Variants in EXT1 observed in about 807,000 individuals in gnomAD.
EXT1 encodes exostosin glycosyltransferase 1.
In EXT1, 20 loss-of-function variants were observed where a neutral mutation model predicts 82.5. That is an observed-to-expected ratio of 0.24 (90% CI 0.17 to 0.35). The LOEUF (loss-of-function observed/expected upper bound fraction) is 0.35. Among genes scored for constraint, EXT1 ranks in the 10% least tolerant of loss-of-function variants. The pLI, the probability that EXT1 is intolerant of heterozygous loss-of-function variation, is 1.00. For missense variants in EXT1, 757 were observed against 936.5 expected (o/e 0.81, Z 2.50); for synonymous variants, 348 against 350.8 (o/e 0.99, Z 0.09).
At chr8:118,004,735 AC>A (rs1227254055) in intron 1 of EXT1, among the ~76,000 whole-genome samples, 1 of 152,126 alleles carries the variant, frequency 6.6e-6, no homozygotes, top group African/African-American at 2.4e-5. Flanking sequence ...CAAGCCAGTC[AC>A]CCCATGCCTG....
chr8:117,855,587 C>T (rs1387124336), intron 1 of EXT1, among the ~76,000 whole-genome samples: 1 of 152,132 alleles, frequency 6.6e-6, no homozygotes, highest in Admixed American at 6.5e-5. Context: ...CCCTGAGACA[C>T]AAAAATATTG....
chr8:117,799,794 G>A lies in EXT1; in HGVS notation c.2159C>T (p.Ser720Phe). Residue 720 changes from serine (S) to phenylalanine (F), a missense_variant, in exon 11 of 11, where the codon TCT becomes TTT. Around this residue, in one of 4 missense-constraint regions of EXT1, gnomAD observed 128 missense variants for 223.2 expected, o/e 0.57. Transcript: ENST00000378204. The stretch of plus-strand genomic sequence containing the variant: ...GAGGACGGGGTCGAGCCTCATCTGA[G>A]AGTGGATCAGCGGCATGTAGCCAAA... ...SWFGYMPLIH[S>F]QMRLDPVLFK... The A allele has an allele frequency of 1.2e-6, 2 of 1,614,206 alleles. No homozygotes were observed. The highest frequency in any genetic ancestry group is 1.7e-6 in the Non-Finnish European group (2 of 1,180,044).
At chr8:117,982,035 C>T (rs1388911229) in intron 1 of EXT1, among the ~76,000 whole-genome samples, 1 of 152,172 alleles carries the variant, frequency 6.6e-6, no homozygotes, top group Non-Finnish European at 1.5e-5. Context: ...TTTTCTATTG[C>T]TGCTGTAATA....
chr8:117,867,978 A>G (rs950231700), intron 1 of EXT1, among the ~76,000 whole-genome samples: 4 of 152,222 alleles, frequency 2.6e-5, no homozygotes, highest in Non-Finnish European at 5.9e-5. Context: ...TAATGCCATA[A>G]GCACTTTTAA....
chr8:118,069,325 T>C (rs781612295), intron 1 of EXT1, among the ~76,000 whole-genome samples: 1 of 152,224 alleles, frequency 6.6e-6, no homozygotes, highest in Non-Finnish European at 1.5e-5. Context: ...GGTCTCACTC[T>C]AGCAGTGTGA....
chr8:118,046,103 CT>C (rs112355911), intron 1 of EXT1, among the ~76,000 whole-genome samples: 1,885 of 143,582 alleles, frequency 0.013, 32 homozygotes, highest in African/African-American at 0.041. Flanking sequence ...GCCTAGATGT[CT>C]TTTTTTTTTT....
intron 1 of EXT1, among the ~76,000 whole-genome samples, chr8:117,935,693 G>A (rs1814146059): frequency 6.6e-6 from 1 of 151,870 alleles, no homozygotes; most frequent in Admixed American, 6.6e-5. Flanking sequence ...TAATCTTGTG[G>A]CATCCAAACT....
chr8:118,073,542 G>C (rs1797839733), intron 1 of EXT1, among the ~76,000 whole-genome samples: 1 of 152,108 alleles, frequency 6.6e-6, no homozygotes, highest in African/African-American at 2.4e-5. Context: ...AACTGCCTGA[G>C]CCTGGGACGC....
At chr8:118,069,231 C>T (rs183005141) in intron 1 of EXT1, among the ~76,000 whole-genome samples, 458 of 152,320 alleles carry the variant, frequency 3.0e-3, no homozygotes, top group Non-Finnish European at 5.7e-3. Flanking sequence ...CAGAGGTTAA[C>T]TTCCCATGTG....
chr8:117,937,750 G>A (rs1044775519), intron 1 of EXT1, among the ~76,000 whole-genome samples: 1 of 152,258 alleles, frequency 6.6e-6, no homozygotes, highest in African/African-American at 2.4e-5. Flanking sequence ...ATGCCAGAGA[G>A]AGAGCACTGG....
intron 1 of EXT1, among the ~76,000 whole-genome samples, chr8:117,986,194 T>TCTTTTC (rs1554591461): frequency 4.1e-5 from 6 of 147,744 alleles, no homozygotes; most frequent in Middle Eastern, 3.5e-3. Flanking sequence ...TTTCTTTTTT[T>TCTTTTC]TTTTTTTTTT....
At chr8:117,906,278 G>T (rs181938439) in intron 1 of EXT1, among the ~76,000 whole-genome samples, 11 of 152,246 alleles carry the variant, frequency 7.2e-5, no homozygotes, top group African/African-American at 2.6e-4. Flanking sequence ...ACACAAGTTC[G>T]GAACCCATCT....
chr8:117,829,694 C>A (rs1407343181), intron 4 of EXT1, among the ~76,000 whole-genome samples: 1 of 151,148 alleles, frequency 6.6e-6, no homozygotes, highest in Non-Finnish European at 1.5e-5. Context: ...CTGCCTCAGC[C>A]TCCCGAGTAG....
At chr8:117,815,653 C>T (rs938860865) in intron 7 of EXT1, among the ~76,000 whole-genome samples, 2 of 152,148 alleles carry the variant, frequency 1.3e-5, no homozygotes, top group African/African-American at 4.8e-5. Flanking sequence ...ACATGTTGGC[C>T]AGGTACAGTG....
Position 118,110,853 on chromosome 8 carries a change from A to C in EXT1, c.194T>G (p.Phe65Cys). Residue 65 changes from phenylalanine to cysteine, a missense_variant, in exon 1 of 11, where the codon TTC becomes TGC. Physicochemically the swap from Phe to Cys is radical, Grantham distance 205 (BLOSUM62 -2). Around this residue, in one of 4 missense-constraint regions of EXT1, gnomAD observed 175 missense variants for 159.0 expected, o/e 1.10. Transcript: ENST00000378204. ...WPRFPDALRP[F>C]VPWDQLENED... ...GTTTTCCAATTGATCCCAAGGAACG[A>C]AGGGGCGCAGAGCGTCCGGGAAGCG... 1 of 1,612,948 alleles carries C rather than the reference A, an allele frequency of 6.2e-7. No homozygotes were observed. The highest frequency in any genetic ancestry group is 1.1e-5 in the South Asian group (1 of 91,066).
intron 1 of EXT1, among the ~76,000 whole-genome samples, chr8:118,045,418 C>G (rs1816606555): frequency 6.6e-6 from 1 of 152,102 alleles, no homozygotes. Context: ...TGGTGTGAGC[C>G]TTTCTTCATT....
chr8:117,973,282 A>C (rs552750664), intron 1 of EXT1, among the ~76,000 whole-genome samples: 1 of 152,182 alleles, frequency 6.6e-6, no homozygotes, highest in East Asian at 1.9e-4. Context: ...CTCCTTTTCC[A>C]CTGTAACTGC....
At chr8:117,884,788 C>T (rs577737647) in intron 1 of EXT1, among the ~76,000 whole-genome samples, 23 of 152,220 alleles carry the variant, frequency 1.5e-4, no homozygotes, top group Admixed American at 1.2e-3. Flanking sequence ...GGGTATAGCA[C>T]CCAGCTACAT....
At chr8:117,962,834 G>A (rs1814730274) in intron 1 of EXT1, among the ~76,000 whole-genome samples, 1 of 151,356 alleles carries the variant, frequency 6.6e-6, no homozygotes, top group Admixed American at 6.6e-5. Flanking sequence ...GCTGAGGCAG[G>A]AGGATCCCTT....
Sources: gnomAD v4.1 joint callset for allele counts (sites outside exome capture counted in the v4.1 genomes callset) on GRCh38, gnomAD v4.1.1 for gene constraint, gnomAD v4.1.1 regional missense constraint, MANE v1.5 for transcripts, NCBI Gene and HGNC (gene_info 2026-07-23, HGNC 2026-07-21) for gene names.